Variants in NFIB observed in about 807,000 individuals in gnomAD.
NFIB encodes the protein nuclear factor 1 B-type.
A neutral mutation model predicts 61.5 loss-of-function variants in NFIB; 11 were observed. The observed-to-expected ratio is 0.18, with a 90% CI of 0.11 to 0.30. The LOEUF is 0.30. NFIB is among the 10% of genes least tolerant of loss of function. NFIB has a pLI of 1.00. For synonymous variants in NFIB, 260 were observed against 216.5 expected (o/e 1.20, Z -1.76); for missense variants, 471 against 608.9 (o/e 0.77, Z 2.38).
Position 14,201,868 on chromosome 9 carries a change from A to T in NFIB, c.563-22088T>A, listed in dbSNP as rs189259336. Among the ~76,000 whole-genome samples, 32 of 151,822 alleles carry T rather than the reference A, an allele frequency of 2.1e-4. No individual in the cohort carries two copies. In the East Asian group the frequency reaches 6.0e-3, roughly 29 times the overall value. On this transcript the variant is annotated intron_variant, in intron 2 of 10. Coordinates refer to ENST00000380953, the MANE Select transcript of NFIB (RefSeq NM_001190737.2). The stretch of plus-strand genomic sequence containing the variant: ...ATTAACATTCAATATTCTGATTGTG[A>T]CATATACAGATGATATTTATCCATT...
At chr9:14,494,216 C>A in the NFIB span, among the ~76,000 whole-genome samples, 2 of 152,174 alleles carry the variant, frequency 1.3e-5, no homozygotes, top group African/African-American at 2.4e-5. Context: ...ACAACAAGAA[C>A]AACAAACATT....
chr9:14,470,784 G>A, the NFIB span, among the ~76,000 whole-genome samples: 2 of 152,326 alleles, frequency 1.3e-5, no homozygotes, highest in African/African-American at 4.8e-5. Flanking sequence ...ACTGGACAAA[G>A]AGCCAGGGGA....
intron 1 of NFIB, among the ~76,000 whole-genome samples, chr9:14,381,937 C>G (rs1311524811): frequency 3.3e-5 from 5 of 152,024 alleles, no homozygotes; most frequent in African/African-American, 1.2e-4. Flanking sequence ...AGAGTGGTAC[C>G]AAGATGTTTG....
chr9:14,115,144 T>C (rs1347743231), intron 9 of NFIB, among the ~76,000 whole-genome samples: 6 of 152,054 alleles, frequency 3.9e-5, no homozygotes, highest in African/African-American at 1.4e-4. Context: ...CCATTTTTCT[T>C]ATAGGGTTCC....
the NFIB span, among the ~76,000 whole-genome samples, chr9:14,459,236 T>C: frequency 0.042 from 6,458 of 152,278 alleles, 155 homozygotes; most frequent in Non-Finnish European, 0.054. Context: ...ATCTGATCTT[T>C]GACAAACCTG....
the NFIB span, among the ~76,000 whole-genome samples, chr9:14,497,288 G>C: frequency 6.6e-6 from 1 of 152,104 alleles, no homozygotes; most frequent in African/African-American, 2.4e-5. Flanking sequence ...ACCATATAAG[G>C]TGAACATGGG....
At chr9:14,344,911 A>T (rs2061000944) in intron 1 of NFIB, among the ~76,000 whole-genome samples, 1 of 152,214 alleles carries the variant, frequency 6.6e-6, no homozygotes, top group Non-Finnish European at 1.5e-5. Flanking sequence ...TTAAATAACC[A>T]GCAGAAGAGG....
chr9:14,279,247 T>C (rs142941763), intron 2 of NFIB, among the ~76,000 whole-genome samples: 4 of 152,282 alleles, frequency 2.6e-5, no homozygotes, highest in African/African-American at 7.2e-5. Context: ...CTTCCCATCA[T>C]ATCCCCTACC....
chr9:14,347,580 T>G (rs1022912183), intron 1 of NFIB, among the ~76,000 whole-genome samples: 1 of 102,294 alleles, frequency 9.8e-6, no homozygotes, highest in Non-Finnish European at 2.2e-5. Flanking sequence ...CTGGGTGCGA[T>G]TGGGAGAGGG....
At chr9:14,484,604 C>T in the NFIB span, among the ~76,000 whole-genome samples, 1 of 152,136 alleles carries the variant, frequency 6.6e-6, no homozygotes, top group Non-Finnish European at 1.5e-5. Context: ...ATTCAGGTAA[C>T]TATAAATTAC....
intron 4 of NFIB, among the ~76,000 whole-genome samples, chr9:14,150,635 T>A (rs1372134361): frequency 6.6e-6 from 1 of 152,068 alleles, no homozygotes; most frequent in Non-Finnish European, 1.5e-5. Flanking sequence ...CCAAACAAGC[T>A]GCTTTGCACT....
chr9:14,315,095 G>A (rs2060479368), upstream of NFIB, among the ~76,000 whole-genome samples: 1 of 152,056 alleles, frequency 6.6e-6, no homozygotes, highest in Non-Finnish European at 1.5e-5. Context: ...GGCCGAGCAG[G>A]CGGGGACCTG....
chr9:14,443,166 G>C, the NFIB span, among the ~76,000 whole-genome samples: 1 of 151,946 alleles, frequency 6.6e-6, no homozygotes, highest in Non-Finnish European at 1.5e-5. Context: ...CTATGGCAGT[G>C]CTGAGGGTGA....
At chr9:14,160,389 C>T (rs1587156743) in intron 3 of NFIB, among the ~76,000 whole-genome samples, 1 of 151,990 alleles carries the variant, frequency 6.6e-6, no homozygotes, top group East Asian at 1.9e-4. Context: ...CAAAGGAAGA[C>T]TGATAATGCT....
At chr9:14,322,602 C>A (rs1408971439) in intron 1 of NFIB, among the ~76,000 whole-genome samples, 1 of 149,876 alleles carries the variant, frequency 6.7e-6, no homozygotes, top group Non-Finnish European at 1.5e-5. Context: ...CTACCACGGC[C>A]GGCCTGGGCG....
Position 14,083,862 on chromosome 9 carries a change from T to C in NFIB, c.*4447A>G. ...ACACGTTATGTGAGACATAGCACTGTTTTAGTTTTCTGCCTATCCTGAATG... is the reference window on the plus strand; with the variant it reads ...ACACGTTATGTGAGACATAGCACTGCTTTAGTTTTCTGCCTATCCTGAATG... On this transcript the variant is annotated 3_prime_UTR_variant, in exon 11 of 11. Transcript: ENST00000380953. The C allele has an allele frequency of 4.4e-6, 1 of 225,190 alleles. No homozygotes were observed. The highest frequency in any genetic ancestry group is 6.5e-5 in the East Asian group (1 of 15,496). 13.9% of individuals were successfully genotyped at this position (225,190 alleles called of 1,614,324 possible).
intron 2 of NFIB, among the ~76,000 whole-genome samples, chr9:14,298,520 A>G (rs1442296289): frequency 6.6e-6 from 1 of 152,162 alleles, no homozygotes; most frequent in Non-Finnish European, 1.5e-5. Context: ...CAAATGCCAG[A>G]ATACTATGCC....
At chr9:14,399,857 G>A (rs1306475908), upstream of NFIB, among the ~76,000 whole-genome samples, 1 of 152,100 alleles carries the variant, frequency 6.6e-6, no homozygotes, top group Non-Finnish European at 1.5e-5. Context: ...GGTAAAATAA[G>A]TATGTGACAT....
the NFIB span, among the ~76,000 whole-genome samples, chr9:14,521,819 G>A: frequency 2.3e-4 from 35 of 152,308 alleles, no homozygotes; most frequent in East Asian, 6.6e-3. Context: ...CTTGCGTGGG[G>A]AGATGGCTTT....
Sources: gnomAD v4.1 joint callset for allele counts (sites outside exome capture counted in the v4.1 genomes callset) on GRCh38, gnomAD v4.1.1 for gene constraint, MANE v1.5 for transcripts, NCBI Gene and HGNC (gene_info 2026-07-23, HGNC 2026-07-21) for gene names.